Variants in PIWIL2 observed in about 807,000 individuals in gnomAD.
PIWIL2 encodes piwi like RNA-mediated gene silencing 2.
A neutral mutation model predicts 116.5 loss-of-function variants in PIWIL2; 81 were observed. The observed-to-expected ratio is 0.70, with a 90% confidence interval of 0.58 to 0.84. The LOEUF is 0.84. Ranked by LOEUF, PIWIL2 falls within the 40% of genes least tolerant of loss-of-function variation. PIWIL2 has a pLI of 0.00. For synonymous variants in PIWIL2, 489 were observed against 429.5 expected (o/e 1.14, Z -1.71); for missense variants, 1,272 against 1,212.3 (o/e 1.05, Z -0.73).
At position 22,284,181 on chromosome 8, in the gene PIWIL2, G is replaced by C. The variant is rs746465500; in HGVS notation, c.652G>C (p.Gly218Arg). Reference protein sequence around the residue: ...HKEKELIVKQGSKGTPQSLGL... With the variant: ...HKEKELIVKQRSKGTPQSLGL... Reference sequence around the variant, plus strand: ...TTCTAGAGAGCTTATTGTGAAGCAAGGATCAAAAGGAACACCTCAGTCTTT... The same window carrying C: ...TTCTAGAGAGCTTATTGTGAAGCAACGATCAAAAGGAACACCTCAGTCTTT... Residue 218 changes from glycine (G) to arginine (R), a missense_variant, in exon 6 of 23, where the codon GGA becomes CGA. By Grantham distance (125) the Gly-to-Arg change is moderately radical (BLOSUM62 -2). Coordinates refer to ENST00000356766, the MANE Select transcript of PIWIL2 (RefSeq NM_018068.5). The C allele has an allele frequency of 6.3e-7, 1 of 1,586,606 alleles. No individual in the cohort carries two copies. The highest frequency in any genetic ancestry group is 1.2e-5 in the South Asian group (1 of 86,408).
intron 22 of PIWIL2, 78 bp from the exon 23 acceptor site, chr8:22,355,271 G>A (rs1429096970): frequency 1.4e-5 from 20 of 1,407,690 alleles, no homozygotes; most frequent in Middle Eastern, 1.8e-4. Flanking sequence ...TCATATCCCC[G>A]TGACTATTGT....
chr8:22,284,731 A>T (rs1308297879), intron 6 of PIWIL2, among the ~76,000 whole-genome samples: 1 of 147,570 alleles, frequency 6.8e-6, no homozygotes, highest in Non-Finnish European at 1.5e-5. Context: ...ACATCTCTCT[A>T]GTGACAGTCT....
chr8:22,279,657 C>G (rs2131976845), intron 2 of PIWIL2, 73 bp downstream of exon 2: 1 of 1,432,210 alleles, frequency 7.0e-7, no homozygotes, highest in Non-Finnish European at 9.8e-7. Flanking sequence ...TAATGGATTT[C>G]AAAGTGCTTG....
chr8:22,334,443 AC>A (rs1030169149), intron 20 of PIWIL2, among the ~76,000 whole-genome samples: 3 of 150,292 alleles, frequency 2.0e-5, no homozygotes, highest in African/African-American at 7.3e-5. Context: ...AATCGCTTGA[AC>A]CTAGGAGGCG....
At chr8:22,289,690 CT>C (rs1830713456) in intron 8 of PIWIL2, among the ~76,000 whole-genome samples, 156 bp from the exon 9 acceptor site, 1 of 152,178 alleles carries the variant, frequency 6.6e-6, no homozygotes, top group African/African-American at 2.4e-5. Flanking sequence ...TTTTGGTTTT[CT>C]TTTAACAAGA....
chr8:22,293,314 A>G (rs1162959024), intron 10 of PIWIL2, among the ~76,000 whole-genome samples: 1 of 152,098 alleles, frequency 6.6e-6, no homozygotes, highest in Non-Finnish European at 1.5e-5. Context: ...GTCTTCAAAA[A>G]AACAGAACTA....
chr8:22,293,573 C>T (rs1235948404), intron 10 of PIWIL2, among the ~76,000 whole-genome samples: 2 of 152,310 alleles, frequency 1.3e-5, no homozygotes, highest in South Asian at 2.1e-4. Context: ...AATCCGCCTG[C>T]CTCAGCTTCC....
chr8:22,310,638 A>C lies in PIWIL2; in HGVS notation c.1801-474A>C, dbSNP rs528814199. 8.0e-3 allele frequency among the ~76,000 whole-genome samples: 1,218 copies of C among 152,010 alleles called. 10 individuals carry two copies. The highest frequency in any genetic ancestry group is 0.028 in the African/African-American group (1,159 of 41,504). On this transcript the variant is annotated intron_variant, in intron 15 of 22. Coordinates refer to ENST00000356766, the MANE Select transcript of PIWIL2 (RefSeq NM_018068.5). ...GATGAGTTTTTTTTTAATTAAATAG[A>C]CCTGTGTAATCCACACCAAGGGTTA...
chr8:22,357,089 C>T lies in PIWIL2; in HGVS notation c.*1584C>T, dbSNP rs940729612. On this transcript the variant is annotated 3_prime_UTR_variant, in exon 23 of 23. Coordinates refer to ENST00000356766, the MANE Select transcript of PIWIL2 (RefSeq NM_018068.5). ...AGCTTAAAACTCCGTAAAATGTGCT[C>T]ACTTCAGCAGCACATATACTAAAAT... 6.6e-6 allele frequency: 1 copy of T among 152,054 alleles called. No homozygotes were observed. Among genetic ancestry groups the T allele is most frequent in the East Asian group, 1.9e-4 (1 of 5,196 alleles). 9.4% of individuals were successfully genotyped at this position (152,054 alleles called of 1,614,324 possible). A position where few individuals can be genotyped will look rare whatever the true frequency, so the allele number is the denominator to read the frequency against.
At position 22,298,660 on chromosome 8, in the gene PIWIL2, T is replaced by C. The variant is rs1426338586; in HGVS notation, c.1182-5361T>C. The stretch of plus-strand genomic sequence containing the variant: ...AATTATCTTGGTTGGACCTTCAGAA[T>C]TGTCAGAGGATGGTGAGACCTCTGT... On this transcript the variant is annotated intron_variant, in intron 10 of 22. Coordinates refer to ENST00000356766, the MANE Select transcript of PIWIL2 (RefSeq NM_018068.5). Among the ~76,000 whole-genome samples the C allele has an allele frequency of 2.0e-5, 3 of 152,216 alleles. No homozygotes were observed. In the East Asian group the frequency reaches 5.8e-4, roughly 29 times the overall value.
At chr8:22,290,790 A>G (rs1830743698) in intron 10 of PIWIL2, among the ~76,000 whole-genome samples, 1 of 151,798 alleles carries the variant, frequency 6.6e-6, no homozygotes, top group African/African-American at 2.4e-5. Flanking sequence ...TGAACTGAAT[A>G]TATGTGCCCT....
intron 20 of PIWIL2, 99 bp from the exon 21 acceptor site, chr8:22,352,860 G>A: frequency 8.1e-7 from 1 of 1,228,856 alleles, no homozygotes; most frequent in Non-Finnish European, 1.1e-6. Context: ...AAAAGGATCT[G>A]CCATGATTCC....
intron 20 of PIWIL2, among the ~76,000 whole-genome samples, chr8:22,344,047 A>T (rs1832170362): frequency 6.6e-6 from 1 of 152,244 alleles, no homozygotes; most frequent in Non-Finnish European, 1.5e-5. Context: ...TATTGTGTTA[A>T]AAGAAATAAG....
intron 20 of PIWIL2, among the ~76,000 whole-genome samples, chr8:22,319,092 G>T (rs1831536101): frequency 6.6e-6 from 1 of 152,114 alleles, no homozygotes; most frequent in South Asian, 2.1e-4. Flanking sequence ...TTCTGCCTTG[G>T]CCAGTACATC....
chr8:22,315,971 A>G (rs1361610451), intron 18 of PIWIL2, among the ~76,000 whole-genome samples: 1 of 152,198 alleles, frequency 6.6e-6, no homozygotes, highest in Non-Finnish European at 1.5e-5. Flanking sequence ...AGATTTGGGA[A>G]TGCTCAACCT....
intron 20 of PIWIL2, among the ~76,000 whole-genome samples, chr8:22,340,443 A>G (rs1490653920): frequency 2.5e-4 from 38 of 152,228 alleles, no homozygotes; most frequent in Non-Finnish European, 2.9e-5. Flanking sequence ...GAATGTGACC[A>G]TATTTGGAAG....
At chr8:22,278,787 G>A (rs1436135346) in intron 1 of PIWIL2, among the ~76,000 whole-genome samples, 1 of 152,068 alleles carries the variant, frequency 6.6e-6, no homozygotes, top group East Asian at 1.9e-4. Context: ...GCCTCCTGTC[G>A]GATCACTGGT....
intron 20 of PIWIL2, chr8:22,352,721 A>G (rs4872476): frequency 0.55 from 247,209 of 448,808 alleles, 72,018 homozygotes; most frequent in East Asian, 0.83. Flanking sequence ...CATAACTTGC[A>G]TGTTTTGCTT....
intron 20 of PIWIL2, among the ~76,000 whole-genome samples, chr8:22,336,501 A>G (rs886671785): frequency 3.3e-5 from 5 of 152,212 alleles, no homozygotes; most frequent in Non-Finnish European, 7.3e-5. Context: ...AAAATTTATT[A>G]TAAACAACGT....
Sources: allele counts gnomAD v4.1 joint callset (sites outside exome capture counted in the v4.1 genomes callset), GRCh38; gene constraint gnomAD v4.1.1; transcripts MANE v1.5; gene names NCBI Gene and HGNC (gene_info 2026-07-23, HGNC 2026-07-21).